Variants in ANKS1A observed in about 807,000 individuals in gnomAD.
The protein encoded by ANKS1A is ankyrin repeat and SAM domain-containing protein 1A.
Under a neutral mutation model 120.3 loss-of-function variants are expected in ANKS1A, and 55 were observed. That is an observed-to-expected ratio of 0.46 (90% CI 0.37 to 0.57). The LOEUF (loss-of-function observed/expected upper bound fraction) is 0.57. ANKS1A is among the 20% of genes least tolerant of loss of function. ANKS1A has a pLI of 0.00. For missense variants in ANKS1A, 1,123 were observed against 1,480.3 expected (o/e 0.76, Z 3.96); for synonymous variants, 590 against 604.7 (o/e 0.98, Z 0.36).
At position 35,082,515 on chromosome 6, in the gene ANKS1A, C is replaced by T. The variant is rs1777739163; in HGVS notation, c.2710-176C>T. Among the ~76,000 whole-genome samples the T allele has an allele frequency of 6.6e-6, 1 of 152,140 alleles. No homozygotes were observed. The highest frequency in any genetic ancestry group is 2.4e-5 in the African/African-American group (1 of 41,426). On this transcript the variant is annotated intron_variant, in intron 17 of 23. Transcript: ENST00000360359. This position sits in a 1 kb window ranked among gnomAD's most constrained non-coding sequence, Gnocchi z 4.1. Reference sequence around the variant, plus strand: ...TGCTGTGCCTCTGCTGTGGCTAGCACCTCCCCTCTCCCGCAGTGTGTTTGA... The same window carrying T: ...TGCTGTGCCTCTGCTGTGGCTAGCATCTCCCCTCTCCCGCAGTGTGTTTGA...
At position 35,060,141 on chromosome 6, in the gene ANKS1A, C is replaced by G; in HGVS notation, c.2078-6C>G. On this transcript the variant is annotated splice_region_variant and splice_polypyrimidine_tract_variant and intron_variant, in intron 12 of 23. Coordinates refer to ENST00000360359, the MANE Select transcript of ANKS1A (RefSeq NM_015245.3). The surrounding 1 kb of genome is among the most constrained non-coding windows in gnomAD (Gnocchi z 4.5). ...TTCAAGCGTCTGCCGATTCCTCTCT[C>G]ATCAGGTTTACGGACGCTGGAGCAG... 6.2e-7 allele frequency: 1 copy of G among 1,611,962 alleles called. No homozygotes were observed. Among genetic ancestry groups the G allele is most frequent in the Non-Finnish European group, 8.5e-7 (1 of 1,178,774 alleles).
intron 11 of ANKS1A, among the ~76,000 whole-genome samples, chr6:35,038,630 C>T (rs758582231): frequency 3.9e-5 from 6 of 151,920 alleles, no homozygotes; most frequent in Admixed American, 1.3e-4. Context: ...TATAGGCGTG[C>T]GCCACCATGC....
intron 10 of ANKS1A, among the ~76,000 whole-genome samples, chr6:34,998,169 G>A (rs1366337460): frequency 6.6e-6 from 1 of 152,224 alleles, no homozygotes; most frequent in Non-Finnish European, 1.5e-5. Flanking sequence ...GCTAAGGTTA[G>A]TATAAGTGAG....
chr6:35,083,266 GC>G, intron 19 of ANKS1A, 40 bp downstream of exon 19: 1 of 1,612,392 alleles, frequency 6.2e-7, no homozygotes, highest in Non-Finnish European at 8.5e-7. Context: ...TGTGGGACTG[GC>G]CAGCAGAAGG....
At chr6:35,094,904 G>A (rs1387913541), downstream of ANKS1A, among the ~76,000 whole-genome samples, 1 of 152,290 alleles carries the variant, frequency 6.6e-6, no homozygotes, top group East Asian at 1.9e-4. Context: ...TCTTTGGAAG[G>A]CGAAGTGGGA....
At chr6:34,899,296 G>A (rs1446275606) in intron 1 of ANKS1A, among the ~76,000 whole-genome samples, 2 of 152,110 alleles carry the variant, frequency 1.3e-5, no homozygotes, top group Non-Finnish European at 2.9e-5. Context: ...ATGTTTAGAA[G>A]AGGGCCATTA....
At chr6:34,950,786 G>T (rs1770057088) in intron 1 of ANKS1A, among the ~76,000 whole-genome samples, 1 of 151,894 alleles carries the variant, frequency 6.6e-6, no homozygotes, top group South Asian at 2.1e-4. Flanking sequence ...AAGGATGGGG[G>T]TGGGTGGTGG....
chr6:35,092,470 C>T (rs909281116), downstream of ANKS1A, among the ~76,000 whole-genome samples: 36 of 152,196 alleles, frequency 2.4e-4, no homozygotes, highest in African/African-American at 8.2e-4. Flanking sequence ...AGAGCCAAAT[C>T]CCAGGTTGTA....
chr6:35,085,804 C>T lies in ANKS1A; in HGVS notation c.3171C>T (p.Ala1057=), dbSNP rs1408271753. ...TYEIILTLGQ[A]FEVAYQLALQ... ...AGATCATCCTGACGCTGGGGCAGGC[C>T]TTCGAAGTGGCCTATCAGTTGGCCC... is the stretch of plus-strand genomic sequence containing the variant. Residue 1057 remains alanine (A), a synonymous_variant, in exon 22 of 24, where the codon GCC becomes GCT. Transcript: ENST00000360359. The surrounding 1 kb of genome is among the most constrained non-coding windows in gnomAD (Gnocchi z 4.7). 1 of 1,610,426 alleles carries T rather than the reference C, an allele frequency of 6.2e-7. No individual in the cohort carries two copies. The highest frequency in any genetic ancestry group is 8.5e-7 in the Non-Finnish European group (1 of 1,178,318).
intron 10 of ANKS1A, among the ~76,000 whole-genome samples, chr6:35,016,039 ATGG>A (rs1340191238): frequency 2.6e-5 from 4 of 152,346 alleles, no homozygotes; most frequent in African/African-American, 9.6e-5. Flanking sequence ...CCATCATGAC[ATGG>A]TGGAGACCTG....
At chr6:35,052,276 C>G (rs1172547744) in intron 11 of ANKS1A, among the ~76,000 whole-genome samples, 1 of 151,794 alleles carries the variant, frequency 6.6e-6, no homozygotes, top group South Asian at 2.1e-4. Flanking sequence ...GATGAAACCC[C>G]GCCTTTACAA....
intron 1 of ANKS1A, among the ~76,000 whole-genome samples, chr6:34,953,322 G>A (rs1770180932): frequency 1.3e-5 from 2 of 152,158 alleles, no homozygotes. Context: ...AGCCTGACCC[G>A]GCCTGGGAAG....
At chr6:35,002,278 T>C (rs539216396) in intron 10 of ANKS1A, among the ~76,000 whole-genome samples, 1 of 151,996 alleles carries the variant, frequency 6.6e-6, no homozygotes, top group Admixed American at 6.6e-5. Flanking sequence ...CTGGGAGCTG[T>C]ACGTGGATGG....
At chr6:35,017,201 A>G (rs1427700307) in intron 10 of ANKS1A, among the ~76,000 whole-genome samples, 2 of 152,180 alleles carry the variant, frequency 1.3e-5, no homozygotes, top group African/African-American at 4.8e-5. Flanking sequence ...AAATCTAACA[A>G]CAGGGAAGGC....
At chr6:35,064,497 G>A (rs1776668392) in intron 13 of ANKS1A, among the ~76,000 whole-genome samples, 1 of 152,162 alleles carries the variant, frequency 6.6e-6, no homozygotes, top group Non-Finnish European at 1.5e-5. Flanking sequence ...GATAAAGAGA[G>A]GCCAAAGGCA....
At chr6:35,049,499 A>G (rs1775871317) in intron 11 of ANKS1A, among the ~76,000 whole-genome samples, 1 of 152,196 alleles carries the variant, frequency 6.6e-6, no homozygotes, top group South Asian at 2.1e-4. Flanking sequence ...TTTCTGGGCC[A>G]ATAAGGTCAT....
Position 34,958,363 on chromosome 6 carries a change from T to C in ANKS1A, c.198-8876T>C, listed in dbSNP as rs115012906. On this transcript the variant is annotated intron_variant, in intron 1 of 23. Coordinates refer to ENST00000360359, the MANE Select transcript of ANKS1A (RefSeq NM_015245.3). ...ATCTATCCTTTTTTCTCTGTCCTCTTTACACTGCATGAAGGTGTTTACTTC... is the reference window on the plus strand; with the variant it reads ...ATCTATCCTTTTTTCTCTGTCCTCTCTACACTGCATGAAGGTGTTTACTTC... Among the ~76,000 whole-genome samples, 273 of 152,258 alleles carry C rather than the reference T, an allele frequency of 1.8e-3. 1 individual carries two copies. The highest frequency in any genetic ancestry group is 6.3e-3 in the African/African-American group (263 of 41,548).
chr6:35,039,021 G>A (rs149126754), intron 11 of ANKS1A, among the ~76,000 whole-genome samples: 6 of 151,774 alleles, frequency 4.0e-5, no homozygotes, highest in Admixed American at 2.0e-4. Context: ...GCGATTGACC[G>A]TGGAAGAATC....
intron 10 of ANKS1A, among the ~76,000 whole-genome samples, chr6:35,013,412 A>C (rs1295578131): frequency 2.0e-5 from 3 of 151,902 alleles, no homozygotes; most frequent in Admixed American, 1.3e-4. Context: ...CTCCCATCTC[A>C]ACCTCCCAAG....
Sources: gnomAD v4.1 joint callset for allele counts (sites outside exome capture counted in the v4.1 genomes callset) on GRCh38, gnomAD v4.1.1 for gene constraint, Gnocchi (gnomAD v3.1) non-coding constraint, MANE v1.5 for transcripts, NCBI Gene and HGNC (gene_info 2026-07-23, HGNC 2026-07-21) for gene names.